Variants in H2BK1 observed in about 807,000 individuals in gnomAD.
The protein encoded by H2BK1 is H2B.K variant histone 1.
the H2BK1 span, chr7:151,210,415 A>AG: frequency 1.6e-3 from 408 of 260,836 alleles, 3 homozygotes; most frequent in African/African-American, 4.6e-3. Flanking sequence ...TGCACCTGGG[A>AG]GGGGGGGGGG....
At chr7:151,208,153 AGG>A in the H2BK1 span, 1 of 927,672 alleles carries the variant, frequency 1.1e-6, no homozygotes, top group Non-Finnish European at 1.7e-6. Flanking sequence ...GGGCCAGGGG[AGG>A]GGGGGTCCTG....
At chr7:151,210,311 G>A in the H2BK1 span, 1 of 398,314 alleles carries the variant, frequency 2.5e-6, no homozygotes, top group South Asian at 1.3e-4. Context: ...TCCATACTCA[G>A]CGCTCATCCT....
At chr7:151,208,188 T>C in the H2BK1 span, 1 of 1,442,600 alleles carries the variant, frequency 6.9e-7, no homozygotes. Context: ...GCCTCAGCCC[T>C]GAGCTGGGGG....
the H2BK1 span, among the ~76,000 whole-genome samples, chr7:151,209,521 A>G: frequency 6.6e-6 from 1 of 152,098 alleles, no homozygotes; most frequent in African/African-American, 2.4e-5. Context: ...CCTCCAGACA[A>G]ATTGATTGTC....
At chr7:151,208,004 T>C in the H2BK1 span, 3 of 1,575,560 alleles carry the variant, frequency 1.9e-6, no homozygotes, top group South Asian at 2.2e-5. Context: ...GCCCGAGTAC[T>C]GGGCCAGCCG....
the H2BK1 span, chr7:151,208,102 G>A: frequency 1.2e-6 from 2 of 1,614,128 alleles, no homozygotes; most frequent in Non-Finnish European, 1.7e-6. Context: ...CAATGTCAGG[G>A]TGCACCTGGA....
the H2BK1 span, chr7:151,210,351 C>A: frequency 3.8e-5 from 15 of 397,236 alleles, no homozygotes; most frequent in African/African-American, 1.6e-4. Context: ...TCACCCACCC[C>A]CTTGGAGCTA....
At chr7:151,208,433 T>G in the H2BK1 span, among the ~76,000 whole-genome samples, 3 of 152,280 alleles carry the variant, frequency 2.0e-5, no homozygotes, top group Non-Finnish European at 4.4e-5. Flanking sequence ...CTGGTTTCAC[T>G]GATGCATTTG....
the H2BK1 span, chr7:151,208,157 G>T: frequency 6.3e-7 from 1 of 1,584,928 alleles, no homozygotes; most frequent in East Asian, 2.2e-5. Flanking sequence ...CAGGGGAGGG[G>T]GGGTCCTGCC....
At chr7:151,210,457 T>C in the H2BK1 span, 3 of 392,054 alleles carry the variant, frequency 7.7e-6, no homozygotes, top group South Asian at 4.4e-4. Context: ...CGTGACTCAA[T>C]CCCAATCCTG....
At chr7:151,209,346 T>C in the H2BK1 span, among the ~76,000 whole-genome samples, 1 of 136,436 alleles carries the variant, frequency 7.3e-6, no homozygotes, top group African/African-American at 2.7e-5. Flanking sequence ...AGGTTGTCAA[T>C]TCACTAAACC....
the H2BK1 span, among the ~76,000 whole-genome samples, chr7:151,209,595 T>C: frequency 1.3e-5 from 2 of 152,062 alleles, no homozygotes; most frequent in African/African-American, 4.8e-5. Flanking sequence ...GCAGCCCCAG[T>C]GTGTTGGGGA....
the H2BK1 span, chr7:151,210,409 CCT>C: frequency 9.0e-6 from 2 of 223,442 alleles, no homozygotes; most frequent in Non-Finnish European, 7.4e-6. Context: ...GGGACATGCA[CCT>C]GGGAGGGGGG....
At chr7:151,208,732 G>A in the H2BK1 span, among the ~76,000 whole-genome samples, 1 of 152,238 alleles carries the variant, frequency 6.6e-6, no homozygotes, top group African/African-American at 2.4e-5. Context: ...TTCTGCAGCT[G>A]TACTGTGAAT....
the H2BK1 span, chr7:151,208,198 G>A: frequency 9.8e-6 from 13 of 1,327,016 alleles, no homozygotes; most frequent in Admixed American, 1.9e-5. Flanking sequence ...TGAGCTGGGG[G>A]CTCTAGGAAG....
At chr7:151,208,361 C>T in the H2BK1 span, among the ~76,000 whole-genome samples, 1 of 152,226 alleles carries the variant, frequency 6.6e-6, no homozygotes, top group Non-Finnish European at 1.5e-5. Context: ...GATTAAGCTC[C>T]TTGTATGAGC....
At chr7:151,210,215 GAGT>G in the H2BK1 span, 1 of 399,186 alleles carries the variant, frequency 2.5e-6, no homozygotes, top group Non-Finnish European at 4.4e-6. Context: ...GATATACATG[GAGT>G]AGGACTCCTT....
chr7:151,208,319 T>C, the H2BK1 span, among the ~76,000 whole-genome samples: 1 of 152,214 alleles, frequency 6.6e-6, no homozygotes, highest in Admixed American at 6.5e-5. Context: ...CTAAGTTTTT[T>C]AAAAGAAGTT....
the H2BK1 span, chr7:151,208,222 G>T: frequency 1.0e-6 from 1 of 992,140 alleles, no homozygotes; most frequent in Non-Finnish European, 1.5e-6. Context: ...GAGGCAGAAG[G>T]CAAGGAGGCT....
Sources: allele counts gnomAD v4.1 joint callset (sites outside exome capture counted in the v4.1 genomes callset), GRCh38; gene constraint gnomAD v4.1.1; transcripts MANE v1.5; gene names NCBI Gene and HGNC (gene_info 2026-07-23, HGNC 2026-07-21).